The following SLC4A7 variants were observed in gnomAD, a reference collection of about 807,000 sequenced individuals.
The protein encoded by SLC4A7 is solute carrier family 4 member 7.
Under a neutral mutation model 137.6 loss-of-function variants are expected in SLC4A7, and 51 were observed. The observed-to-expected ratio is 0.37, with a 90% CI of 0.30 to 0.47. The LOEUF is 0.47. Among genes scored for constraint, SLC4A7 ranks in the 20% least tolerant of loss-of-function variants. The pLI is 1.00. For synonymous variants in SLC4A7, 542 were observed against 518.6 expected (o/e 1.05, Z -0.61); for missense variants, 1,247 against 1,525.4 (o/e 0.82, Z 3.04).
intron 1 of SLC4A7, among the ~76,000 whole-genome samples, chr3:27,477,543 C>CCA (rs1477355738): frequency 6.6e-6 from 1 of 152,144 alleles, no homozygotes; most frequent in East Asian, 1.9e-4. Context: ...TTTGGCAATA[C>CCA]CACGTAATAT....
intron 7 of SLC4A7, among the ~76,000 whole-genome samples, chr3:27,425,134 G>A (rs190215689): frequency 6.6e-6 from 1 of 152,262 alleles, no homozygotes; most frequent in Admixed American, 6.5e-5. Flanking sequence ...ACTCTGGGAG[G>A]CAGAGGTGGG....
At chr3:27,400,900 G>C (rs1257106898) in intron 15 of SLC4A7, 31 bp from the exon 16 acceptor site, 8 of 1,221,838 alleles carry the variant, frequency 6.5e-6, no homozygotes, top group Non-Finnish European at 8.4e-6. Context: ...ACATTTTTAA[G>C]GATCCTGAAT....
rs1348124044 is a variant in SLC4A7, at chr3:27,484,122, T to A, written c.5A>T (p.Glu2Val). The change falls in exon 1 of 26, where the codon GAG (glutamate) becomes GTG (valine). Residue 2 changes from glutamate to valine, a missense_variant. This residue lies in a region of SLC4A7 where 176 missense variants were observed against 186.4 expected (regional missense o/e 0.94). Transcript: ENST00000454389. ...CATCTGCTCGCCGGCCCCATCAGCCTCCATGGCCGGCCGGCCAGCCCGTGA... is the reference window on the plus strand; with the variant it reads ...CATCTGCTCGCCGGCCCCATCAGCCACCATGGCCGGCCGGCCAGCCCGTGA... The part of the protein sequence containing the change: M[E>V]ADGAGEQMRP... 2 of 1,382,464 alleles carry A rather than the reference T, an allele frequency of 1.4e-6. No homozygotes were observed. The highest frequency in any genetic ancestry group is 1.9e-6 in the Non-Finnish European group (2 of 1,063,216). 85.6% of individuals were successfully genotyped at this position (1,382,464 alleles called of 1,614,324 possible).
At chr3:27,456,980 C>A (rs1292488919) in intron 1 of SLC4A7, 5 of 969,998 alleles carry the variant, frequency 5.2e-6, no homozygotes, top group Non-Finnish European at 6.1e-6. Flanking sequence ...AACCTTTCTG[C>A]AATGTTAGTA....
At chr3:27,467,079 G>T (rs73822316) in intron 1 of SLC4A7, among the ~76,000 whole-genome samples, 1 of 152,100 alleles carries the variant, frequency 6.6e-6, no homozygotes, top group African/African-American at 2.4e-5. Flanking sequence ...AGAAACTTGA[G>T]GCTCAGAAAA....
intron 7 of SLC4A7, among the ~76,000 whole-genome samples, chr3:27,425,303 G>A (rs1264922799): frequency 1.3e-5 from 2 of 150,272 alleles, no homozygotes; most frequent in Non-Finnish European, 3.0e-5. Context: ...CCAGGAGGCG[G>A]AGGTTGCAGT....
At chr3:27,431,086 T>C (rs1205319624) in intron 7 of SLC4A7, among the ~76,000 whole-genome samples, 1 of 152,134 alleles carries the variant, frequency 6.6e-6, no homozygotes, top group African/African-American at 2.4e-5. Flanking sequence ...TTTTTGCCAT[T>C]GAAAGTAAAG....
chr3:27,385,798 C>T, intron 23 of SLC4A7, 94 bp downstream of exon 23: 3 of 817,330 alleles, frequency 3.7e-6, no homozygotes, highest in Non-Finnish European at 5.6e-6. Context: ...ATGAAAGGAA[C>T]TGATTCATGT....
chr3:27,467,347 C>T (rs1318909909), intron 1 of SLC4A7, among the ~76,000 whole-genome samples: 24 of 152,066 alleles, frequency 1.6e-4, no homozygotes, highest in Admixed American at 1.6e-3. Context: ...ACTTATATGC[C>T]TTATTTATGG....
intron 8 of SLC4A7, chr3:27,422,641 A>T: frequency 2.9e-6 from 1 of 346,278 alleles, no homozygotes; most frequent in South Asian, 2.2e-5. Context: ...TAATAGTAAA[A>T]TTTAGCTTTC....
At chr3:27,423,827 T>TTATTCAA (rs1324670823) in intron 8 of SLC4A7, 10 of 487,228 alleles carry the variant, frequency 2.1e-5, no homozygotes, top group Non-Finnish European at 2.9e-5. Context: ...CTAGTAATGG[T>TTATTCAA]GTAAAGTTAT....
Position 27,484,105 on chromosome 3 carries a change from C to T in SLC4A7, c.22G>A (p.Glu8Lys). Residue 8 changes from glutamate to lysine, a missense_variant, in exon 1 of 26, where the codon GAG becomes AAG. By Grantham distance (56) the Glu-to-Lys change is moderately conservative. This residue lies in a region of SLC4A7 where 176 missense variants were observed against 186.4 expected (regional missense o/e 0.94). Coordinates refer to ENST00000454389, the MANE Select transcript of SLC4A7 (RefSeq NM_001321103.2). The part of the protein sequence containing the change: MEADGAG[E>K]QMRPLLTRVT... The stretch of plus-strand genomic sequence containing the variant: ...CGGGTGAGTAGCGGTCTCATCTGCT[C>T]GCCGGCCCCATCAGCCTCCATGGCC... The T allele has an allele frequency of 7.2e-7, 1 of 1,397,688 alleles. No homozygotes were observed. Among genetic ancestry groups the T allele is most frequent in the Non-Finnish European group, 9.3e-7 (1 of 1,070,820 alleles). 86.6% of individuals were successfully genotyped at this position (1,397,688 alleles called of 1,614,324 possible).
At chr3:27,473,196 G>A (rs2150715733) in intron 1 of SLC4A7, among the ~76,000 whole-genome samples, 1 of 152,168 alleles carries the variant, frequency 6.6e-6, no homozygotes, top group South Asian at 2.1e-4. Context: ...CTACTTAGGT[G>A]GCTGAGGCCA....
At chr3:27,387,874 C>T (rs984509201) in intron 22 of SLC4A7, among the ~76,000 whole-genome samples, 8 of 152,176 alleles carry the variant, frequency 5.3e-5, no homozygotes, top group Admixed American at 2.6e-4. Flanking sequence ...AAGAGCATGT[C>T]ACTGCCCACC....
intron 1 of SLC4A7, among the ~76,000 whole-genome samples, chr3:27,470,769 C>T (rs1002651627): frequency 2.8e-4 from 43 of 151,872 alleles, no homozygotes; most frequent in African/African-American, 9.4e-4. Flanking sequence ...AGTGAAACCC[C>T]GTCTCTACTA....
intron 1 of SLC4A7, among the ~76,000 whole-genome samples, chr3:27,478,187 T>C (rs1390914711): frequency 6.9e-6 from 1 of 145,828 alleles, no homozygotes; most frequent in African/African-American, 2.5e-5. Flanking sequence ...CACATAAAAT[T>C]CTCTGAAAAA....
At chr3:27,430,605 CAA>C (rs36019447) in intron 7 of SLC4A7, among the ~76,000 whole-genome samples, 21 of 96,630 alleles carry the variant, frequency 2.2e-4, no homozygotes, top group Admixed American at 7.6e-4. Context: ...ACCCCGTCTC[CAA>C]AAAAAAAAAA....
chr3:27,459,178 G>T (rs912306293), intron 1 of SLC4A7, among the ~76,000 whole-genome samples: 1 of 152,064 alleles, frequency 6.6e-6, no homozygotes, highest in African/African-American at 2.4e-5. Flanking sequence ...ACGAAGGGAA[G>T]GTTAAGCAAC....
intron 19 of SLC4A7, 59 bp downstream of exon 19, chr3:27,394,895 A>G: frequency 6.5e-7 from 1 of 1,543,822 alleles, no homozygotes; most frequent in Non-Finnish European, 8.7e-7. Context: ...TCTAATCATT[A>G]CAAAAACAGC....
Sources: allele counts gnomAD v4.1 joint callset (sites outside exome capture counted in the v4.1 genomes callset), GRCh38; gene constraint gnomAD v4.1.1; regional missense constraint gnomAD v4.1.1; transcripts MANE v1.5; gene names NCBI Gene and HGNC (gene_info 2026-07-23, HGNC 2026-07-21).